The following CELF4 variants were observed in gnomAD, a reference collection of about 807,000 sequenced individuals.
CELF4 encodes CUG-BP- and ETR-3-like factor 4.
CELF4 carries 18 observed loss-of-function variants against 59.9 expected under a neutral mutation model. The ratio of observed to expected loss-of-function variants is 0.30; its 90% confidence interval spans 0.21 to 0.45. The LOEUF is 0.45. Among genes scored for constraint, CELF4 ranks in the 20% least tolerant of loss-of-function variants. The pLI, the probability that CELF4 is intolerant of heterozygous loss-of-function variation, is 1.00. For missense variants in CELF4, 456 were observed against 689.0 expected (o/e 0.66, Z 3.79); for synonymous variants, 261 against 267.1 (o/e 0.98, Z 0.22).
intron 1 of CELF4, among the ~76,000 whole-genome samples, chr18:37,497,604 A>C (rs1011512081): frequency 2.6e-5 from 4 of 151,518 alleles, no homozygotes; most frequent in African/African-American, 9.7e-5. Flanking sequence ...GTGAGCTGAG[A>C]TCACACCACT....
chr18:37,358,472 C>G (rs774854470), intron 2 of CELF4, among the ~76,000 whole-genome samples: 2 of 152,166 alleles, frequency 1.3e-5, no homozygotes, highest in African/African-American at 4.8e-5. Flanking sequence ...TTATCAGCAG[C>G]GTGAAAACGG....
At chr18:37,459,640 T>C (rs960486595) in intron 2 of CELF4, among the ~76,000 whole-genome samples, 10 of 152,262 alleles carry the variant, frequency 6.6e-5, no homozygotes, top group Non-Finnish European at 1.3e-4. Context: ...CACATGAGCC[T>C]GTGGGCCATG....
At chr18:37,430,316 C>T (rs940422834) in intron 2 of CELF4, among the ~76,000 whole-genome samples, 6 of 152,170 alleles carry the variant, frequency 3.9e-5, no homozygotes, top group Admixed American at 6.5e-5. Context: ...CATCTCAACA[C>T]GAAGACTGAT....
intron 2 of CELF4, among the ~76,000 whole-genome samples, chr18:37,417,680 G>C (rs1357817713): frequency 6.6e-6 from 1 of 152,176 alleles, no homozygotes; most frequent in Non-Finnish European, 1.5e-5. Flanking sequence ...GGAGAGAGAC[G>C]GGGTCAGTAG....
intron 3 of CELF4, among the ~76,000 whole-genome samples, chr18:37,305,128 A>G (rs2096310808): frequency 6.6e-6 from 1 of 152,200 alleles, no homozygotes; most frequent in Admixed American, 6.5e-5. Flanking sequence ...TTATTAAACT[A>G]AAGCATCTTA....
At chr18:37,352,392 C>T (rs769906524) in intron 2 of CELF4, among the ~76,000 whole-genome samples, 11 of 152,194 alleles carry the variant, frequency 7.2e-5, no homozygotes, top group South Asian at 2.1e-4. Context: ...CCTGTAATCT[C>T]GACACTTTGG....
intron 1 of CELF4, among the ~76,000 whole-genome samples, chr18:37,563,807 A>C (rs2154606393): frequency 6.6e-6 from 1 of 152,070 alleles, no homozygotes; most frequent in Middle Eastern, 3.4e-3. Flanking sequence ...TTTAAGATTT[A>C]CTCCTCAGCA....
chr18:37,547,358 C>T (rs1254141167), intron 1 of CELF4, among the ~76,000 whole-genome samples: 2 of 152,112 alleles, frequency 1.3e-5, no homozygotes, highest in Non-Finnish European at 2.9e-5. Context: ...GAATGCTGGT[C>T]ACCAGGAGAG....
intron 1 of CELF4, among the ~76,000 whole-genome samples, chr18:37,493,655 G>A (rs1296342058): frequency 6.6e-6 from 1 of 151,946 alleles, no homozygotes; most frequent in African/African-American, 2.4e-5. Flanking sequence ...CAGCCTGCAG[G>A]GTGGGGGTGA....
At chr18:37,529,965 C>T (rs1603643501) in intron 1 of CELF4, among the ~76,000 whole-genome samples, 1 of 152,244 alleles carries the variant, frequency 6.6e-6, no homozygotes, top group Admixed American at 6.5e-5. Context: ...CACACAAAAC[C>T]ACCTCCACTC....
At chr18:37,416,870 G>A (rs2099533284) in intron 2 of CELF4, among the ~76,000 whole-genome samples, 1 of 152,160 alleles carries the variant, frequency 6.6e-6, no homozygotes, top group Non-Finnish European at 1.5e-5. Flanking sequence ...AGGTGGAAAT[G>A]CTAGAGGTGG....
At chr18:37,317,376 A>G (rs2096904363) in intron 3 of CELF4, among the ~76,000 whole-genome samples, 1 of 149,312 alleles carries the variant, frequency 6.7e-6, no homozygotes, top group African/African-American at 2.6e-5. Flanking sequence ...AACAAAAGCA[A>G]AGTTTCATTT....
chr18:37,408,474 T>TC (rs1557416085), intron 2 of CELF4, among the ~76,000 whole-genome samples: 1 of 111,608 alleles, frequency 9.0e-6, no homozygotes, highest in African/African-American at 2.9e-5. Flanking sequence ...TTTTTTTTTT[T>TC]CCCCCTTTGG....
At chr18:37,487,616 C>T (rs1048978803) in intron 1 of CELF4, among the ~76,000 whole-genome samples, 1 of 152,134 alleles carries the variant, frequency 6.6e-6, no homozygotes, top group Non-Finnish European at 1.5e-5. Flanking sequence ...CTGCTTCTCC[C>T]GGGGGCGTCT....
chr18:37,374,404 G>A (rs892016120), intron 2 of CELF4, among the ~76,000 whole-genome samples: 2 of 152,172 alleles, frequency 1.3e-5, no homozygotes, highest in African/African-American at 4.8e-5. Flanking sequence ...CCACAGCTGG[G>A]GCTGGAACAT....
chr18:37,438,163 G>A (rs2099699437), intron 2 of CELF4, among the ~76,000 whole-genome samples: 1 of 152,202 alleles, frequency 6.6e-6, no homozygotes, highest in Admixed American at 6.5e-5. Flanking sequence ...TCAGTCTGTG[G>A]TTTTTGGTAT....
intron 2 of CELF4, among the ~76,000 whole-genome samples, chr18:37,388,064 G>T (rs1276595869): frequency 6.6e-6 from 1 of 152,062 alleles, no homozygotes; most frequent in African/African-American, 2.4e-5. Flanking sequence ...GTTGGGGGAG[G>T]GGGGAGGGTA....
At chr18:37,500,626 T>C (rs1043147627) in intron 1 of CELF4, among the ~76,000 whole-genome samples, 3 of 151,464 alleles carry the variant, frequency 2.0e-5, no homozygotes, top group Admixed American at 1.3e-4. Flanking sequence ...CTCCGCCTCC[T>C]GGGTTCATGC....
intron 3 of CELF4, among the ~76,000 whole-genome samples, chr18:37,276,997 AC>A (rs2093406526): frequency 6.6e-6 from 1 of 151,682 alleles, no homozygotes; most frequent in African/African-American, 2.4e-5. Flanking sequence ...TTCCCAGAGA[AC>A]CCCCACCTTG....
Sources: allele counts gnomAD v4.1 joint callset (sites outside exome capture counted in the v4.1 genomes callset), GRCh38; gene constraint gnomAD v4.1.1; transcripts MANE v1.5; gene names NCBI Gene and HGNC (gene_info 2026-07-23, HGNC 2026-07-21).